The following OTOF variants were observed in gnomAD, a reference collection of about 807,000 sequenced individuals.
OTOF encodes fer-1-like family member 2.
A neutral mutation model predicts 236.8 loss-of-function variants in OTOF; 218 were observed. That is an observed-to-expected ratio of 0.92 (90% CI 0.82 to 1.03). The LOEUF is 1.03. Ranked by LOEUF, OTOF falls within the 50% of genes least tolerant of loss-of-function variation. The probability of loss-of-function intolerance (pLI) is 0.00; values close to 1 mark genes in which losing one functional copy is unlikely to be tolerated. For missense variants in OTOF, 2,590 were observed against 2,694.4 expected (o/e 0.96, Z 0.86); for synonymous variants, 1,041 against 1,072.5 (o/e 0.97, Z 0.57).
intron 46 of OTOF, 143 bp downstream of exon 46, chr2:26,459,865 G>T: frequency 1.3e-6 from 1 of 780,158 alleles, no homozygotes; most frequent in Non-Finnish European, 2.1e-6. Flanking sequence ...ACTTGTGCGT[G>T]GCACATGTGT....
At chr2:26,546,762 T>TG (rs1394347098) in intron 1 of OTOF, among the ~76,000 whole-genome samples, 2 of 151,818 alleles carry the variant, frequency 1.3e-5, no homozygotes, top group African/African-American at 4.8e-5. Flanking sequence ...TTTTTTTTTT[T>TG]TATTTCTCTC....
chr2:26,525,691 A>G (rs1447033900), intron 3 of OTOF, among the ~76,000 whole-genome samples: 2 of 152,114 alleles, frequency 1.3e-5, no homozygotes, highest in Non-Finnish European at 2.9e-5. Flanking sequence ...GGATGGAAGA[A>G]TGAAAGGATG....
Position 26,477,403 on chromosome 2 carries a change from G to C in OTOF, c.2406+13C>G, listed in dbSNP as rs368935323. On this transcript the variant is annotated intron_variant, in intron 20 of 46. Transcript: ENST00000272371. This position sits in a 1 kb window ranked among gnomAD's most constrained non-coding sequence, Gnocchi z 4.7. ...CCCTCCCTCCAGCCCCCGCCGTCCA[G>C]TTGCGTCCTCACCAGCTCCCTCATG... 2.5e-6 allele frequency: 4 copies of C among 1,577,600 alleles called. No homozygotes were observed. The highest frequency in any genetic ancestry group is 3.4e-6 in the Non-Finnish European group (4 of 1,161,864).
chr2:26,458,452 T>C (rs966788989), intron 46 of OTOF, among the ~76,000 whole-genome samples: 2 of 152,232 alleles, frequency 1.3e-5, no homozygotes, highest in Non-Finnish European at 2.9e-5. Flanking sequence ...AAGGCCTAGA[T>C]GGGAGCTACT....
At position 26,522,614 on chromosome 2, in the gene OTOF, G is replaced by A. The variant is rs188555857; in HGVS notation, c.228-3505C>T. On this transcript the variant is annotated intron_variant, in intron 3 of 46. Transcript: ENST00000272371. ...TGCCTGGGAGAGTGGGGCCCAGGACGATTGAGGAAGGGTGGGCTCATATGC... is the reference window on the plus strand; with the variant it reads ...TGCCTGGGAGAGTGGGGCCCAGGACAATTGAGGAAGGGTGGGCTCATATGC... Among the ~76,000 whole-genome samples the A allele has an allele frequency of 1.3e-4, 20 of 152,334 alleles. 1 individual carries two copies. In the East Asian group the frequency reaches 2.9e-3, roughly 22 times the overall value.
chr2:26,477,328 G>T lies in OTOF; in HGVS notation c.2407-40C>A. 6.3e-7 allele frequency: 1 copy of T among 1,597,094 alleles called. No homozygotes were observed. Among genetic ancestry groups the T allele is most frequent in the East Asian group, 2.2e-5 (1 of 44,506 alleles). On this transcript the variant is annotated intron_variant, in intron 20 of 46. Transcript: ENST00000272371. The surrounding 1 kb of genome is among the most constrained non-coding windows in gnomAD (Gnocchi z 4.7). Reference sequence around the variant, plus strand: ...GTGTCAGTGAACCCAGCAACTGGGGGACAGCTCGGGCCATGACAAAGGGGG... The same window carrying T: ...GTGTCAGTGAACCCAGCAACTGGGGTACAGCTCGGGCCATGACAAAGGGGG...
intron 11 of OTOF, among the ~76,000 whole-genome samples, chr2:26,486,543 G>T (rs1665706127): frequency 6.6e-6 from 1 of 152,338 alleles, no homozygotes; most frequent in Non-Finnish European, 1.5e-5. Flanking sequence ...GGTTCAGGAG[G>T]AATGTAAAAT....
chr2:26,467,292 C>A, intron 34 of OTOF, 59 bp from the exon 35 acceptor site: 1 of 1,613,684 alleles, frequency 6.2e-7, no homozygotes, highest in Non-Finnish European at 8.5e-7. Context: ...TGTCCTGCCC[C>A]ACCTGCAGGA....
chr2:26,467,614 A>G (rs1242551033), intron 33 of OTOF, 113 bp from the exon 34 acceptor site: 66 of 1,301,298 alleles, frequency 5.1e-5, no homozygotes, highest in Non-Finnish European at 7.0e-5. Flanking sequence ...TCGGATGTCC[A>G]TGTGCTGTCA....
At chr2:26,524,639 G>A (rs79918258) in intron 3 of OTOF, among the ~76,000 whole-genome samples, 4,949 of 152,346 alleles carry the variant, frequency 0.032, 102 homozygotes, top group Middle Eastern at 0.054. Context: ...GGGCTCAAGT[G>A]TTTCCAGCAT....
At chr2:26,537,207 G>GT in intron 2 of OTOF, among the ~76,000 whole-genome samples, 1 of 152,154 alleles carries the variant, frequency 6.6e-6, no homozygotes, top group East Asian at 1.9e-4. Flanking sequence ...TTCCCCTCAA[G>GT]GTCTGGAGAT....
chr2:26,494,844 G>T, intron 9 of OTOF, 98 bp downstream of exon 9: 1 of 1,417,346 alleles, frequency 7.1e-7, no homozygotes, highest in Non-Finnish European at 1.0e-6. Context: ...AGCCCTGTGT[G>T]CTCCTTGACT....
chr2:26,519,803 AGTT>A (rs1431038428), intron 3 of OTOF, among the ~76,000 whole-genome samples: 2 of 152,112 alleles, frequency 1.3e-5, no homozygotes, highest in Non-Finnish European at 2.9e-5. Context: ...TACTTCACAG[AGTT>A]GTTGTTGGAG....
intron 9 of OTOF, among the ~76,000 whole-genome samples, chr2:26,493,691 C>T (rs762955589): frequency 2.0e-5 from 3 of 152,068 alleles, no homozygotes; most frequent in Non-Finnish European, 2.9e-5. Context: ...GGGGTCAGCC[C>T]ATGAAAGGGA....
At position 26,516,591 on chromosome 2, in the gene OTOF, C is replaced by A. The variant is rs764149308; in HGVS notation, c.336G>T (p.Leu112=). ...DDNNAIIKTS[L]CVEVRYQATD... ...TGGCCTGATACCGGACCTCCACGCACAGGCTGGTCTGAAGGGAGGGAGGCG... is the reference window on the plus strand; with the variant it reads ...TGGCCTGATACCGGACCTCCACGCAAAGGCTGGTCTGAAGGGAGGGAGGCG... Residue 112 remains leucine (L), a synonymous_variant, in exon 5 of 47, where the codon CTG becomes CTT. Coordinates refer to ENST00000272371, the MANE Select transcript of OTOF (RefSeq NM_194248.3). The A allele has an allele frequency of 1.9e-6, 3 of 1,605,858 alleles. No individual in the cohort carries two copies. In the South Asian group the frequency reaches 3.3e-5, roughly 18 times the overall value.
chr2:26,496,338 G>A (rs1011985968), intron 8 of OTOF, among the ~76,000 whole-genome samples: 2 of 150,654 alleles, frequency 1.3e-5, no homozygotes, highest in Non-Finnish European at 2.9e-5. Context: ...GGGTTCAAGC[G>A]ATTCTTCTGC....
chr2:26,546,976 A>G (rs867495306), intron 1 of OTOF, among the ~76,000 whole-genome samples: 2 of 152,172 alleles, frequency 1.3e-5, no homozygotes, highest in Non-Finnish European at 2.9e-5. Flanking sequence ...TTCCTTTCCA[A>G]TCTGTAGGAG....
chr2:26,478,306 T>C (rs1437130023), intron 18 of OTOF, among the ~76,000 whole-genome samples: 2 of 152,226 alleles, frequency 1.3e-5, no homozygotes, highest in Non-Finnish European at 2.9e-5. Flanking sequence ...GCAAAGGCTA[T>C]GGGCTTTAAT....
chr2:26,461,023 G>C lies in OTOF; in HGVS notation c.5541C>G (p.Ile1847Met). The C allele has an allele frequency of 6.3e-7, 1 of 1,587,572 alleles. No individual in the cohort carries two copies. Residue 1847 changes from isoleucine (I) to methionine (M), a missense_variant, in exon 44 of 47, where the codon ATC becomes ATG. Physicochemically the swap from Ile to Met is conservative, Grantham distance 10. Coordinates refer to ENST00000272371, the MANE Select transcript of OTOF (RefSeq NM_194248.3). This position sits in a 1 kb window ranked among gnomAD's most constrained non-coding sequence, Gnocchi z 6.2. ...HFSADDFLGA[I>M]ELDLNRFPRG... ...GCGGGAACCGGTTCAGGTCCAGCTC[G>C]ATGGCCCCTGTGGCAACCTCAGTGT... is the stretch of plus-strand genomic sequence containing the variant.
Sources: gnomAD v4.1 joint callset for allele counts (sites outside exome capture counted in the v4.1 genomes callset) on GRCh38, gnomAD v4.1.1 for gene constraint, Gnocchi (gnomAD v3.1) non-coding constraint, MANE v1.5 for transcripts, NCBI Gene and HGNC (gene_info 2026-07-23, HGNC 2026-07-21) for gene names.